NXF3: variants seen among roughly 807,000 people sequenced by gnomAD.
NXF3 encodes the protein nuclear RNA export factor 3, also known as TAP-like protein 3.
NXF3 carries 34 observed loss-of-function variants against 48.4 expected under a neutral mutation model. The observed-to-expected ratio is 0.70, with a 90% CI of 0.53 to 0.93. NXF3 has a LOEUF of 0.93. NXF3 is among the 40% of genes least tolerant of loss of function. NXF3 has a pLI of 0.00. For synonymous variants in NXF3, 132 were observed against 145.7 expected, an observed-to-expected ratio of 0.91 and a Z score of 0.68; for missense variants, 359 against 406.1, an observed-to-expected ratio of 0.88 and a Z score of 1.00.
intron 1 of NXF3, chrX:103,089,321 T>C (rs1922224198): frequency 5.1e-6 from 2 of 390,098 alleles, no homozygotes; most frequent in Non-Finnish European, 8.8e-6. Flanking sequence ...GGTGATCTTA[T>C]TTTTAAAGCC....
chrX:103,080,342 G>A, intron 10 of NXF3, 126 bp from the exon 11 acceptor site: 4 of 723,485 alleles, frequency 5.5e-6, no homozygotes, highest in Non-Finnish European at 8.4e-6. Flanking sequence ...GAAATTACGT[G>A]GGCAAGACTA....
chrX:103,082,027 G>A (rs1199659697), intron 9 of NXF3: 4 of 401,327 alleles, frequency 1.0e-5, no homozygotes, highest in African/African-American at 5.0e-5. Context: ...GAGGCTGGGT[G>A]GAGACAGGTG....
Position 103,084,473 on chromosome X carries a change from A to G in NXF3, c.220T>C (p.Tyr74His), listed in dbSNP as rs370982957. ...VRYTPYTISPYNRKGSFRKQD... is the reference protein window; with the variant it reads ...VRYTPYTISPHNRKGSFRKQD... The stretch of plus-strand genomic sequence containing the variant: ...TTACGAAAACTGCCTTTCCGATTAT[A>G]GGGTGAAATAGTATAGGGAGTGCTG... The change falls in exon 3 of 20, where the codon TAT becomes CAT. Residue 74 changes from tyrosine (Y) to histidine (H), a missense_variant. Coordinates refer to ENST00000395065, the MANE Select transcript of NXF3 (RefSeq NM_022052.2). 148 of 1,210,018 alleles carry G rather than the reference A, an allele frequency of 1.2e-4. No homozygotes were observed. Among genetic ancestry groups the G allele is most frequent in the Non-Finnish European group, 1.6e-4 (143 of 895,207 alleles).
intron 10 of NXF3, 83 bp from the exon 11 acceptor site, chrX:103,080,299 G>T (rs749103453): frequency 1.0e-6 from 1 of 968,651 alleles, no homozygotes; most frequent in Non-Finnish European, 1.5e-6. Context: ...CCAGGAGAGG[G>T]TGAGATCAGA....
chrX:103,082,982 A>G (rs766996927), intron 7 of NXF3, 22 bp downstream of exon 7: 2 of 1,195,581 alleles, frequency 1.7e-6, no homozygotes, highest in South Asian at 3.5e-5. Flanking sequence ...CATCTACCAT[A>G]GAATTACTTT....
rs1922036791 is a variant in NXF3 at position 103,082,325 on chromosome X, C to T, written c.820G>A (p.Glu274Lys). 2 of 1,206,861 alleles carry T rather than the reference C, an allele frequency of 1.7e-6. No individual in the cohort carries two copies. Among genetic ancestry groups the T allele is most frequent in the Non-Finnish European group, 2.2e-6 (2 of 893,088 alleles). The change falls in exon 9 of 20, where the codon GAG becomes AAG. Residue 274 changes from glutamate to lysine, a missense_variant. By Grantham distance (56) the Glu-to-Lys change is moderately conservative. Coordinates refer to ENST00000395065, the MANE Select transcript of NXF3 (RefSeq NM_022052.2). ...AGEMDKWKGI[E>K]PGEKCADRSP... ...CTGTCCGCACACTTCTCTCCTGGCT[C>T]TATCCCTTTCCACTTGTCCATCTCC...
intron 9 of NXF3, chrX:103,082,040 A>C: frequency 1.7e-5 from 7 of 417,021 alleles, no homozygotes; most frequent in Non-Finnish European, 3.0e-5. Context: ...GACAGGTGGG[A>C]AACACATCCC....
Position 103,082,254 on chromosome X carries a change from C to G in NXF3, c.890+1G>C. 8.4e-7 allele frequency: 1 copy of G among 1,188,280 alleles called. No individual in the cohort carries two copies. The highest frequency in any genetic ancestry group is 1.1e-6 in the Non-Finnish European group (1 of 874,270). Reference sequence around the variant, plus strand: ...AGGTGGTGACAGAGGGTACAACTGACTTTATGTTGCTGGAGGTATCCGAGA... The same window carrying G: ...AGGTGGTGACAGAGGGTACAACTGAGTTTATGTTGCTGGAGGTATCCGAGA... On this transcript the variant is annotated splice_donor_variant, in intron 9 of 19. Transcript: ENST00000395065. LOFTEE classifies it high-confidence loss of function.
chrX:103,091,303 C>A (rs1224625713), intron 1 of NXF3, among the ~76,000 whole-genome samples: 2 of 111,689 alleles, frequency 1.8e-5, no homozygotes, highest in Non-Finnish European at 3.8e-5. Context: ...ATTTGAAGTA[C>A]CTATAACAAA....
intron 1 of NXF3, among the ~76,000 whole-genome samples, chrX:103,089,873 G>A (rs1379633577): frequency 9.1e-6 from 1 of 110,043 alleles, no homozygotes; most frequent in Non-Finnish European, 1.9e-5. Flanking sequence ...AGGACTATGT[G>A]GTAATTTCAC....
intron 1 of NXF3, chrX:103,088,736 T>G: frequency 9.3e-7 from 1 of 1,073,355 alleles, no homozygotes; most frequent in East Asian, 3.0e-5. Flanking sequence ...GTAGGAAATC[T>G]TTTAGACAGT....
intron 1 of NXF3, among the ~76,000 whole-genome samples, chrX:103,085,900 C>CAAAAAAAAAAAAAAAAAAAA (rs56135590): frequency 4.6e-5 from 2 of 43,537 alleles, no homozygotes; most frequent in Non-Finnish European, 8.0e-5. Context: ...GAGACTCTGT[C>CAAAAAAAAAAAAAAAAAAAA]AAAAAAAAAA....
intron 1 of NXF3, chrX:103,087,912 T>A: frequency 1.0e-6 from 1 of 956,088 alleles, no homozygotes; most frequent in Non-Finnish European, 1.5e-6. Context: ...ATACTAGGAA[T>A]AAGGCTTTTT....
intron 1 of NXF3, among the ~76,000 whole-genome samples, chrX:103,085,959 A>G (rs916300022): frequency 1.9e-5 from 2 of 107,733 alleles, no homozygotes; most frequent in Non-Finnish European, 3.8e-5. Context: ...AGCATATCTA[A>G]CACTACTTCT....
intron 17 of NXF3, 134 bp downstream of exon 17, chrX:103,078,426 C>G (rs1373545140): frequency 1.1e-6 from 1 of 923,465 alleles, no homozygotes; most frequent in East Asian, 3.1e-5. Context: ...TGCTCCTGGC[C>G]CATACTCTTA....
intron 18 of NXF3, among the ~76,000 whole-genome samples, chrX:103,077,346 G>C (rs1466058433): frequency 1.2e-4 from 13 of 106,022 alleles, no homozygotes; most frequent in Non-Finnish European, 2.5e-4. Context: ...CGCCTCCTGG[G>C]TTCACGCCAT....
chrX:103,079,286 C>T (rs1255362063), intron 15 of NXF3, 23 bp from the exon 16 acceptor site: 2 of 1,210,916 alleles, frequency 1.7e-6, no homozygotes, highest in South Asian at 3.5e-5. Context: ...ATCTCAGGTG[C>T]TCAGGATCCC....
Position 103,082,795 on chromosome X carries a change from C to G in NXF3, c.745G>C (p.Ala249Pro). 1 of 1,210,036 alleles carries G rather than the reference C, an allele frequency of 8.3e-7. No individual in the cohort carries two copies. The highest frequency in any genetic ancestry group is 1.1e-6 in the Non-Finnish European group (1 of 893,910). ...TTCTCTTCATGGACGTCCAGGGAGGCAGCCATGCACTTTCTAGGATTCGAT... is the reference window on the plus strand; with the variant it reads ...TTCTCTTCATGGACGTCCAGGGAGGGAGCCATGCACTTTCTAGGATTCGAT... ...MASNPRKCMA[A>P]SLDVHEENIP... The change falls in exon 8 of 20, where the codon GCC (alanine) becomes CCC (proline). Residue 249 changes from alanine (A) to proline (P), a missense_variant. Transcript: ENST00000395065.
rs1241370805 is a variant in NXF3, at chrX:103,085,922, AAG to A, written c.29-1041_29-1040del. ...TGTCAAAAAAAAAAAAAAAAAAAAA[AAG>A]AAAGAAAGAAAGAAAGATTTGGTAA... On this transcript the variant is annotated intron_variant, in intron 1 of 19. Coordinates refer to ENST00000395065, the MANE Select transcript of NXF3 (RefSeq NM_022052.2). 8.2e-3 allele frequency among the ~76,000 whole-genome samples: 815 copies of A among 99,009 alleles called. 22 individuals are homozygous for A. Among genetic ancestry groups the A allele is most frequent in the African/African-American group, 0.029 (762 of 26,403 alleles). The allele number at this position is 99,009 out of a possible 115,157, so 86.0% of individuals were successfully genotyped here. A position where few individuals can be genotyped will look rare whatever the true frequency, so the allele number is the denominator to read the frequency against.
Sources: gnomAD v4.1 joint callset for allele counts (sites outside exome capture counted in the v4.1 genomes callset) on GRCh38, gnomAD v4.1.1 for gene constraint, MANE v1.5 for transcripts, NCBI Gene and HGNC (gene_info 2026-07-23, HGNC 2026-07-21) for gene names.